PRAG1: variants seen among roughly 807,000 people sequenced by gnomAD.
PRAG1 encodes the protein PEAK1 related, kinase-activating pseudokinase 1.
A neutral mutation model predicts 95.6 loss-of-function variants in PRAG1; 110 were observed. The ratio of observed to expected loss-of-function variants is 1.15; its 90% CI spans 0.99 to 1.35. The LOEUF is 1.35. Ranked by LOEUF, PRAG1 falls within the 40% of genes most tolerant of loss-of-function variation. The pLI, the probability that PRAG1 is intolerant of heterozygous loss-of-function variation, is 0.00. For synonymous variants in PRAG1, 1,052 were observed against 819.4 expected (o/e 1.28, Z -4.85); for missense variants, 2,554 against 1,864.7 (o/e 1.37, Z -6.81).
In PRAG1 at chr8:8,354,069, A is replaced by T. The variant is rs143293021; in HGVS notation, c.2163-14434T>A. Among the ~76,000 whole-genome samples, 143 of 152,236 alleles carry T rather than the reference A, an allele frequency of 9.4e-4. 3 individuals carry two copies. In the East Asian group the frequency reaches 0.021, roughly 22 times the overall value. Reference sequence around the variant, plus strand: ...TAGACTAAGAAAATAAGGAAAGAAGACTCAAATAAAATCAGAAATGAAAGT... The same window carrying T: ...TAGACTAAGAAAATAAGGAAAGAAGTCTCAAATAAAATCAGAAATGAAAGT... On this transcript the variant is annotated intron_variant, in intron 3 of 5. Coordinates refer to ENST00000615670, the MANE Select transcript of PRAG1 (RefSeq NM_001080826.3).
chr8:8,385,325 G>C (rs1428033919), intron 1 of PRAG1, among the ~76,000 whole-genome samples: 2 of 152,094 alleles, frequency 1.3e-5, no homozygotes, highest in Non-Finnish European at 2.9e-5. Context: ...GGTAAATTAC[G>C]ATATTCACCC....
At chr8:8,333,508 C>T (rs1235762841) in intron 4 of PRAG1, among the ~76,000 whole-genome samples, 1 of 152,178 alleles carries the variant, frequency 6.6e-6, no homozygotes, top group Non-Finnish European at 1.5e-5. Flanking sequence ...ATCAGGATTT[C>T]AGTGGTTGGG....
chr8:8,364,787 A>G (rs1799950516), intron 3 of PRAG1, among the ~76,000 whole-genome samples: 1 of 152,086 alleles, frequency 6.6e-6, no homozygotes, highest in South Asian at 2.1e-4. Context: ...TTCAATATTT[A>G]GCGATCAAAT....
At chr8:8,348,847 A>C (rs1281204548) in intron 3 of PRAG1, among the ~76,000 whole-genome samples, 1 of 152,168 alleles carries the variant, frequency 6.6e-6, no homozygotes, top group Non-Finnish European at 1.5e-5. Context: ...AACCGTTCCA[A>C]AATTATAAAT....
intron 2 of PRAG1, among the ~76,000 whole-genome samples, chr8:8,380,990 G>A (rs1046294718): frequency 1.3e-5 from 2 of 152,020 alleles, no homozygotes; most frequent in Admixed American, 6.6e-5. Flanking sequence ...TAGGGAAGGG[G>A]GTCAGTGTGA....
intron 3 of PRAG1, among the ~76,000 whole-genome samples, chr8:8,375,280 T>G (rs112985963): frequency 0.01 from 1,558 of 151,952 alleles, 33 homozygotes; most frequent in African/African-American, 0.035. Context: ...CTCGGCTCAC[T>G]GCAAGCTCCA....
At chr8:8,334,467 C>G (rs1269415261) in intron 4 of PRAG1, among the ~76,000 whole-genome samples, 3 of 151,638 alleles carry the variant, frequency 2.0e-5, no homozygotes, top group African/African-American at 4.8e-5. Flanking sequence ...TAAAAGAAAC[C>G]TTTGCTTTTT....
At chr8:8,359,010 T>C (rs1027578117) in intron 3 of PRAG1, among the ~76,000 whole-genome samples, 4 of 152,246 alleles carry the variant, frequency 2.6e-5, no homozygotes, top group African/African-American at 9.6e-5. Context: ...AAAGTATATG[T>C]ATATATAAAA....
At chr8:8,365,980 AACAAACAAACAAACAAACAAACAAAAT>A (rs909557474) in intron 3 of PRAG1, among the ~76,000 whole-genome samples, 5 of 145,910 alleles carry the variant, frequency 3.4e-5, no homozygotes, top group Non-Finnish European at 7.4e-5. Flanking sequence ...CCTGTCTCAA[AACAAACAAACAAACAAACAAACAAAAT>A]AAGGCTAAGT....
intron 3 of PRAG1, among the ~76,000 whole-genome samples, chr8:8,353,175 TAATA>T (rs1563243210): frequency 6.6e-6 from 1 of 152,176 alleles, no homozygotes; most frequent in Admixed American, 6.5e-5. Flanking sequence ...GACAGAAAAT[TAATA>T]AATACTGAAC....
In PRAG1 at chr8:8,349,564, G is replaced by A. The variant is rs559902297; in HGVS notation, c.2163-9929C>T. The stretch of plus-strand genomic sequence containing the variant: ...CCCAAAGTGCTGGGATTACAGGCCT[G>A]AGCCACCGCGCCCGGCCGGTTTCTA... On this transcript the variant is annotated intron_variant, in intron 3 of 5. Coordinates refer to ENST00000615670, the MANE Select transcript of PRAG1 (RefSeq NM_001080826.3). 5.3e-5 allele frequency among the ~76,000 whole-genome samples: 8 copies of A among 152,244 alleles called. No individual in the cohort carries two copies. In the South Asian group the frequency reaches 1.0e-3, roughly 20 times the overall value.
rs1029721220 is a variant in PRAG1 at position 8,327,836 on chromosome 8, G to C, written c.2946C>G (p.Leu982=). 1.2e-6 allele frequency: 2 copies of C among 1,614,248 alleles called. No individual in the cohort carries two copies. Among genetic ancestry groups the C allele is most frequent in the Non-Finnish European group, 8.5e-7 (1 of 1,180,036 alleles). Residue 982 remains leucine, a synonymous_variant, in exon 5 of 6, where the codon CTC becomes CTG. Transcript: ENST00000615670. ...DLFMGGQKKE[L]HFNENNWSLF... is the part of the protein sequence containing the mutation. ...GCGACCAGTTATTCTCATTGAAGTG[G>C]AGCTCCTTTTTCTGGCCGCCCATGA...
chr8:8,354,730 T>C lies in PRAG1; in HGVS notation c.2163-15095A>G, dbSNP rs370423437. ...ATTTGACAAGGTACAGCATCCTTTC[T>C]TGATAAAAACTCTTAACAGCTTGGG... On this transcript the variant is annotated intron_variant, in intron 3 of 5. Transcript: ENST00000615670. Among the ~76,000 whole-genome samples, 6 of 152,168 alleles carry C rather than the reference T, an allele frequency of 3.9e-5. No individual in the cohort carries two copies. The East Asian group carries it at 7.7e-4, about 20-fold the overall frequency.
At chr8:8,360,528 T>C (rs185910583) in intron 3 of PRAG1, among the ~76,000 whole-genome samples, 2 of 152,346 alleles carry the variant, frequency 1.3e-5, no homozygotes, top group Admixed American at 6.5e-5. Flanking sequence ...TGCCTTTGTC[T>C]TTCCTCATCT....
chr8:8,328,280 G>A lies in PRAG1; in HGVS notation c.2502C>T (p.Thr834=), dbSNP rs1043881793. 6.2e-7 allele frequency: 1 copy of A among 1,613,972 alleles called. No homozygotes were observed. The highest frequency in any genetic ancestry group is 8.5e-7 in the Non-Finnish European group (1 of 1,179,990). ...AASSPDGFFW[T]QGSPKPGTAS... is the part of the protein sequence containing the mutation. ...CTGTTCCGGGCTTGGGGGAGCCTTGGGTCCAGAAGAAGCCATCCGGTGAAG... is the reference window on the plus strand; with the variant it reads ...CTGTTCCGGGCTTGGGGGAGCCTTGAGTCCAGAAGAAGCCATCCGGTGAAG... Residue 834 remains threonine (T), a synonymous_variant, in exon 5 of 6, where the codon ACC becomes ACT. Coordinates refer to ENST00000615670, the MANE Select transcript of PRAG1 (RefSeq NM_001080826.3).
chr8:8,377,421 G>A lies in PRAG1; in HGVS notation c.988C>T (p.Leu330Phe). Reference protein sequence around the residue: ...PSCLGPKKLSLTSEAAISSDG... With the variant: ...PSCLGPKKLSFTSEAAISSDG... The stretch of plus-strand genomic sequence containing the variant: ...GAAGAAATGGCAGCCTCCGAGGTGA[G>A]GGACAGTTTCTTGGGGCCCAGGCAG... The change falls in exon 3 of 6, where the codon CTC becomes TTC. Residue 330 changes from leucine (L) to phenylalanine (F), a missense_variant. Transcript: ENST00000615670. 1 of 1,566,088 alleles carries A rather than the reference G, an allele frequency of 6.4e-7. No individual in the cohort carries two copies. The highest frequency in any genetic ancestry group is 8.6e-7 in the Non-Finnish European group (1 of 1,157,246).
rs1318643158 is a variant in PRAG1 at position 8,319,378 on chromosome 8, G to GT, written c.3073-77dup. On this transcript the variant is annotated intron_variant, in intron 5 of 5. Transcript: ENST00000615670. The stretch of plus-strand genomic sequence containing the variant: ...CAGCAAAGAGTGTGGAAACATTTGA[G>GT]TATCTACGTGCAATAAGCCTATCCA... 6.3e-6 allele frequency: 8 copies of GT among 1,270,304 alleles called. No individual in the cohort carries two copies. In the African/African-American group the frequency reaches 7.5e-5, roughly 12 times the overall value. The allele number at this position is 1,270,304 out of a possible 1,614,324, so 78.7% of individuals were successfully genotyped here.
intron 3 of PRAG1, among the ~76,000 whole-genome samples, chr8:8,366,037 A>C (rs1799992329): frequency 6.6e-6 from 1 of 152,152 alleles, no homozygotes; most frequent in Non-Finnish European, 1.5e-5. Context: ...TTGCTTAATA[A>C]GATTTAAGGA....
At position 8,373,454 on chromosome 8, in the gene PRAG1, A is replaced by ATTTTTTTTTTTTTT. The variant is rs796490286; in HGVS notation, c.2162+2792_2162+2793insAAAAAAAAAAAAAA. On this transcript the variant is annotated intron_variant, in intron 3 of 5. Coordinates refer to ENST00000615670, the MANE Select transcript of PRAG1 (RefSeq NM_001080826.3). ...CTCTTAAGCTAATTTTATTTTCTAG[A>ATTTTTTTTTTTTTT]TTTTTTTTTTTTTGAGACAGGGTCT... Among the ~76,000 whole-genome samples, 43 of 138,326 alleles carry ATTTTTTTTTTTTTT rather than the reference A, an allele frequency of 3.1e-4. 1 individual carries two copies. The highest frequency in any genetic ancestry group is 6.6e-4 in the African/African-American group (24 of 36,382). 90.7% of individuals were successfully genotyped at this position (138,326 alleles called of 152,430 possible).
Sources: allele counts gnomAD v4.1 joint callset (sites outside exome capture counted in the v4.1 genomes callset), GRCh38; gene constraint gnomAD v4.1.1; transcripts MANE v1.5; gene names NCBI Gene and HGNC (gene_info 2026-07-23, HGNC 2026-07-21).